MAP3K4: variants seen among roughly 807,000 people sequenced by gnomAD.
The protein encoded by MAP3K4 is MAP three kinase 1.
MAP3K4 carries 67 observed loss-of-function variants against 185.6 expected under a neutral mutation model. The observed-to-expected ratio is 0.36, with a 90% confidence interval of 0.30 to 0.44. The LOEUF (loss-of-function observed/expected upper bound fraction) is 0.44, where lower values mean the gene tolerates loss of function less well. MAP3K4 is among the 20% of genes least tolerant of loss of function. MAP3K4 has a pLI of 1.00. For synonymous variants in MAP3K4, 702 were observed against 710.4 expected (o/e 0.99, Z 0.19); for missense variants, 1,551 against 1,995.1 (o/e 0.78, Z 4.24).
In MAP3K4 at chr6:161,022,898, G is replaced by A. The variant is rs1049136212; in HGVS notation, c.153-11361G>A. On this transcript the variant is annotated intron_variant, in intron 1 of 26. Transcript: ENST00000392142. This position sits in a 1 kb window ranked among gnomAD's most constrained non-coding sequence, Gnocchi z 4.2. Reference sequence around the variant, plus strand: ...ACTTACCAAGCATGGTAAGTACTCCGTGCCTAACGGTAGCAATTATACTGT... The same window carrying A: ...ACTTACCAAGCATGGTAAGTACTCCATGCCTAACGGTAGCAATTATACTGT... 1.4e-4 allele frequency among the ~76,000 whole-genome samples: 22 copies of A among 152,108 alleles called. No individual in the cohort carries two copies. Among genetic ancestry groups the A allele is most frequent in the African/African-American group, 9.7e-5 (4 of 41,410 alleles).
In MAP3K4 at chr6:161,107,145, TTGC is replaced by T. The variant is rs200235885; in HGVS notation, c.4048+441_4048+443del. Reference sequence around the variant, plus strand: ...CAAGACAGTCTTCTTTTCTAAAACATTGCCTCATTAATTAATTTCCAGGTGGAA... The same window carrying T: ...CAAGACAGTCTTCTTTTCTAAAACATCTCATTAATTAATTTCCAGGTGGAA... On this transcript the variant is annotated intron_variant, in intron 20 of 26. Transcript: ENST00000392142. The surrounding 1 kb of genome is among the most constrained non-coding windows in gnomAD (Gnocchi z 6.2). 6.6e-6 allele frequency among the ~76,000 whole-genome samples: 1 copy of T among 152,046 alleles called. No homozygotes were observed. Among genetic ancestry groups the T allele is most frequent in the East Asian group, 1.9e-4 (1 of 5,180 alleles).
intron 1 of MAP3K4, among the ~76,000 whole-genome samples, chr6:161,003,087 A>C (rs1265756990): frequency 6.6e-6 from 1 of 152,188 alleles, no homozygotes; most frequent in African/African-American, 2.4e-5. Flanking sequence ...TAGTGACTTG[A>C]TACAAATATT....
Position 161,037,970 on chromosome 6 carries a change from C to A in MAP3K4, c.343+3521C>A, listed in dbSNP as rs1049301287. ...ATCTCACTACATAATGCTGCTAGTA[C>A]ATTTTTTTTGTTACTGTTGCTGTTG... On this transcript the variant is annotated intron_variant, in intron 2 of 26. Coordinates refer to ENST00000392142, the MANE Select transcript of MAP3K4 (RefSeq NM_005922.4). The surrounding 1 kb of genome is among the most constrained non-coding windows in gnomAD (Gnocchi z 4.2). Among the ~76,000 whole-genome samples the A allele has an allele frequency of 6.6e-6, 1 of 151,634 alleles. No homozygotes were observed. Among genetic ancestry groups the A allele is most frequent in the Non-Finnish European group, 1.5e-5 (1 of 68,010 alleles).
At chr6:161,040,395 C>T (rs901356993) in intron 2 of MAP3K4, among the ~76,000 whole-genome samples, 3 of 152,010 alleles carry the variant, frequency 2.0e-5, no homozygotes, top group African/African-American at 7.3e-5. Flanking sequence ...TAATTGAATG[C>T]AACTATTTAG....
Position 161,109,156 on chromosome 6 carries a change from GT to G in MAP3K4, c.4236+304del. 1.6e-6 allele frequency: 1 copy of G among 634,292 alleles called. No individual in the cohort carries two copies. The highest frequency in any genetic ancestry group is 2.6e-6 in the Non-Finnish European group (1 of 377,450). The allele number at this position is 634,292 out of a possible 1,614,324, so 39.3% of individuals were successfully genotyped here. ...CACCACTTCTTGTGACTTTTTTTCC[GT>G]TTTTTTGCTGAACCACTGTTGAGTA... On this transcript the variant is annotated intron_variant, in intron 22 of 26. Transcript: ENST00000392142. The surrounding 1 kb of genome is among the most constrained non-coding windows in gnomAD (Gnocchi z 5.7).
chr6:161,100,629 T>C lies in MAP3K4; in HGVS notation c.3675-1263T>C, dbSNP rs1777797056. 1.3e-5 allele frequency among the ~76,000 whole-genome samples: 2 copies of C among 152,282 alleles called. No homozygotes were observed. Among genetic ancestry groups the C allele is most frequent in the South Asian group, 4.1e-4 (2 of 4,822 alleles). On this transcript the variant is annotated intron_variant, in intron 17 of 26. Transcript: ENST00000392142. The surrounding 1 kb of genome is among the most constrained non-coding windows in gnomAD (Gnocchi z 5.8). Reference sequence around the variant, plus strand: ...CATCCCCGACATCCCCCACCAGAGCTAGTCGTTCAACATTCCCCAATATGC... The same window carrying C: ...CATCCCCGACATCCCCCACCAGAGCCAGTCGTTCAACATTCCCCAATATGC...
chr6:161,065,121 A>G (rs1385666634), intron 3 of MAP3K4, among the ~76,000 whole-genome samples: 1 of 152,272 alleles, frequency 6.6e-6, no homozygotes, highest in Admixed American at 6.5e-5. Context: ...AGGAAGTTGT[A>G]TAAGGCAGGT....
At chr6:161,006,157 A>T (rs370804553) in intron 1 of MAP3K4, among the ~76,000 whole-genome samples, 2 of 152,352 alleles carry the variant, frequency 1.3e-5, no homozygotes, top group Non-Finnish European at 2.9e-5. Flanking sequence ...AATTGTGTGA[A>T]TTTGAATTCT....
At chr6:161,065,132 A>G (rs747165792) in intron 3 of MAP3K4, among the ~76,000 whole-genome samples, 12 of 152,142 alleles carry the variant, frequency 7.9e-5, no homozygotes, top group Non-Finnish European at 1.2e-4. Context: ...TAAGGCAGGT[A>G]TCTGGATCAG....
chr6:161,098,180 T>A lies in MAP3K4; in HGVS notation c.3525-98T>A. 1 of 1,299,960 alleles carries A rather than the reference T, an allele frequency of 7.7e-7. No homozygotes were observed. The highest frequency in any genetic ancestry group is 1.1e-6 in the Non-Finnish European group (1 of 949,076). 80.5% of individuals were successfully genotyped at this position (1,299,960 alleles called of 1,614,324 possible). The stretch of plus-strand genomic sequence containing the variant: ...TTTGCATTTTATATTTTTAAATATA[T>A]TTCACCCCCTTGCCATATTTTATTT... On this transcript the variant is annotated intron_variant, in intron 16 of 26. Coordinates refer to ENST00000392142, the MANE Select transcript of MAP3K4 (RefSeq NM_005922.4). The surrounding 1 kb of genome is among the most constrained non-coding windows in gnomAD (Gnocchi z 4.4).
At chr6:161,085,540 C>T (rs574023809) in intron 7 of MAP3K4, among the ~76,000 whole-genome samples, 33 of 152,254 alleles carry the variant, frequency 2.2e-4, no homozygotes, top group Non-Finnish European at 4.0e-4. Context: ...TTCTCCAAAG[C>T]GAAAATGTTT....
At position 161,026,217 on chromosome 6, in the gene MAP3K4, G is replaced by T. The variant is rs186566740; in HGVS notation, c.153-8042G>T. Among the ~76,000 whole-genome samples the T allele has an allele frequency of 8.7e-3, 1,327 of 151,922 alleles. 22 individuals carry two copies. The highest frequency in any genetic ancestry group is 0.031 in the African/African-American group (1,291 of 41,394). ...GCGATCTCGGCTCACTGCAAGCTCTGCCTCCTGGGTTCATGCCATTCTCCT... is the reference window on the plus strand; with the variant it reads ...GCGATCTCGGCTCACTGCAAGCTCTTCCTCCTGGGTTCATGCCATTCTCCT... On this transcript the variant is annotated intron_variant, in intron 1 of 26. Coordinates refer to ENST00000392142, the MANE Select transcript of MAP3K4 (RefSeq NM_005922.4).
chr6:161,088,011 G>T lies in MAP3K4; in HGVS notation c.2823+57G>T. On this transcript the variant is annotated intron_variant, in intron 10 of 26. Transcript: ENST00000392142. This position sits in a 1 kb window ranked among gnomAD's most constrained non-coding sequence, Gnocchi z 4.5. ...TACTTCAAGGACTTTTAGTAAGAAT[G>T]AACTGTTAGCTGCTCATGAATGAGG... 6.5e-7 allele frequency: 1 copy of T among 1,541,798 alleles called. No individual in the cohort carries two copies.
rs1438010497 is a variant in MAP3K4 at position 161,075,610 on chromosome 6, C to G, written c.2097+1998C>G. ...GCTTCGTAAACTGTGTTTGCTGGCC[C>G]TTTATCCTGTAGTGGCAGGGGAGCA... On this transcript the variant is annotated intron_variant, in intron 5 of 26. Coordinates refer to ENST00000392142, the MANE Select transcript of MAP3K4 (RefSeq NM_005922.4). This position sits in a 1 kb window ranked among gnomAD's most constrained non-coding sequence, Gnocchi z 4.3. Among the ~76,000 whole-genome samples the G allele has an allele frequency of 6.6e-6, 1 of 152,142 alleles. No individual in the cohort carries two copies. The highest frequency in any genetic ancestry group is 1.9e-4 in the East Asian group (1 of 5,198).
rs1335898887 is a variant in MAP3K4 at position 161,096,149 on chromosome 6, GT to G, written c.3428-927del. Among the ~76,000 whole-genome samples, 8 of 151,954 alleles carry G rather than the reference GT, an allele frequency of 5.3e-5. No homozygotes were observed. Among genetic ancestry groups the G allele is most frequent in the Non-Finnish European group, 1.0e-4 (7 of 67,990 alleles). On this transcript the variant is annotated intron_variant, in intron 15 of 26. Transcript: ENST00000392142. The surrounding 1 kb of genome is among the most constrained non-coding windows in gnomAD (Gnocchi z 4.9). ...TTTTGTTAACAATCCCTTAAGTTTTGTTTTGTAAGTTCTGTAAGGGAACTTC... is the reference window on the plus strand; with the variant it reads ...TTTTGTTAACAATCCCTTAAGTTTTGTTTGTAAGTTCTGTAAGGGAACTTC...
In MAP3K4 at chr6:161,102,765, TC is replaced by T; in HGVS notation, c.3843del (p.Ser1282AlafsTer10). ...TRRSWELRTL[I>X]SQSKDTASKL... ...AGAAGTTGGGAACTTCGGACACTAA[TC>T]AGCCAGAGTAAAGGTGAGAGAAAGA... On this transcript the variant is annotated frameshift_variant, in exon 19 of 27. Transcript: ENST00000392142. LOFTEE classifies it high-confidence loss of function. 7.1e-7 allele frequency: 1 copy of T among 1,411,036 alleles called. No individual in the cohort carries two copies. Among genetic ancestry groups the T allele is most frequent in the South Asian group, 1.2e-5 (1 of 80,058 alleles). 87.4% of individuals were successfully genotyped at this position (1,411,036 alleles called of 1,614,324 possible).
At position 161,043,717 on chromosome 6, in the gene MAP3K4, T is replaced by C. The variant is rs1783596003; in HGVS notation, c.344-4899T>C. Among the ~76,000 whole-genome samples the C allele has an allele frequency of 6.6e-6, 1 of 152,212 alleles. No homozygotes were observed. The highest frequency in any genetic ancestry group is 1.5e-5 in the Non-Finnish European group (1 of 68,030). On this transcript the variant is annotated intron_variant, in intron 2 of 26. Transcript: ENST00000392142. The surrounding 1 kb of genome is among the most constrained non-coding windows in gnomAD (Gnocchi z 4.3). ...GTGCACTTTAGCAGGAACGCAGTGA[T>C]TTCGAACATACACTGAAATTTGAGA...
chr6:161,019,418 C>T (rs1282589372), intron 1 of MAP3K4, among the ~76,000 whole-genome samples: 1 of 152,126 alleles, frequency 6.6e-6, no homozygotes, highest in Non-Finnish European at 1.5e-5. Context: ...ACATCTCTTT[C>T]TTTCTATTTT....
intron 1 of MAP3K4, among the ~76,000 whole-genome samples, chr6:160,993,929 CTGT>C (rs1169602617): frequency 6.6e-6 from 1 of 152,074 alleles, no homozygotes; most frequent in Non-Finnish European, 1.5e-5. Context: ...CTTGACAAAG[CTGT>C]TGTTTTCTCT....
Sources: gnomAD v4.1 joint callset for allele counts (sites outside exome capture counted in the v4.1 genomes callset) on GRCh38, gnomAD v4.1.1 for gene constraint, Gnocchi (gnomAD v3.1) non-coding constraint, MANE v1.5 for transcripts, NCBI Gene and HGNC (gene_info 2026-07-23, HGNC 2026-07-21) for gene names.